Variants in BRD9 observed in about 807,000 individuals in gnomAD.
The protein encoded by BRD9 is bromodomain-containing protein 9.
In BRD9, 47 loss-of-function variants were observed where a neutral mutation model predicts 68.7. That is an observed-to-expected ratio of 0.68 (90% CI 0.54 to 0.87). The LOEUF (loss-of-function observed/expected upper bound fraction) is 0.87, where lower values mean the gene tolerates loss of function less well. BRD9 is among the 40% of genes least tolerant of loss of function. BRD9 has a pLI of 0.00. For synonymous variants in BRD9, 313 were observed against 293.9 expected (o/e 1.06, Z -0.67); for missense variants, 670 against 748.4 (o/e 0.90, Z 1.22).
intron 11 of BRD9, among the ~76,000 whole-genome samples, chr5:876,717 C>A (rs185949648): frequency 4.7e-4 from 71 of 152,266 alleles, no homozygotes; most frequent in African/African-American, 1.5e-3. Context: ...AGGCCAGGAA[C>A]AAAAATGCAT....
rs1322515953 is a variant in BRD9, at chr5:892,511, C to T, written c.52+95G>A. 3.4e-6 allele frequency: 5 copies of T among 1,487,708 alleles called. No individual in the cohort carries two copies. The African/African-American group carries it at 5.7e-5, about 17-fold the overall frequency. 92.2% of individuals were successfully genotyped at this position (1,487,708 alleles called of 1,614,324 possible). Reference sequence around the variant, plus strand: ...AACCCCTCCCTCGTGGCCAGGACCTCGCCCGGTGCCCAGGACCCCCGTCCG... The same window carrying T: ...AACCCCTCCCTCGTGGCCAGGACCTTGCCCGGTGCCCAGGACCCCCGTCCG... On this transcript the variant is annotated intron_variant, in intron 1 of 15. Transcript: ENST00000467963.
intron 7 of BRD9, among the ~76,000 whole-genome samples, chr5:884,815 T>C (rs1429172788): frequency 2.6e-5 from 4 of 152,350 alleles, no homozygotes; most frequent in South Asian, 2.1e-4. Context: ...CACAGCCCCA[T>C]GAGCTCCGCA....
chr5:884,752 G>T (rs533508993), intron 7 of BRD9, among the ~76,000 whole-genome samples: 2 of 152,252 alleles, frequency 1.3e-5, no homozygotes, highest in Non-Finnish European at 2.9e-5. Flanking sequence ...CCATGAGAGC[G>T]GCCCTGCCCT....
intron 7 of BRD9, among the ~76,000 whole-genome samples, chr5:884,994 C>G (rs1300698921): frequency 6.6e-6 from 1 of 152,236 alleles, no homozygotes; most frequent in East Asian, 1.9e-4. Context: ...AGCTGCAGCA[C>G]CAGAGACACC....
chr5:867,930 A>T (rs765672241), intron 14 of BRD9, among the ~76,000 whole-genome samples: 16 of 152,196 alleles, frequency 1.1e-4, no homozygotes, highest in Non-Finnish European at 2.1e-4. Flanking sequence ...AGGACAAAAG[A>T]TTCGAGAGGA....
intron 12 of BRD9, among the ~76,000 whole-genome samples, chr5:874,409 T>G (rs1012140325): frequency 6.6e-6 from 1 of 152,282 alleles, no homozygotes; most frequent in South Asian, 2.1e-4. Flanking sequence ...TTGCATTAGT[T>G]TTTTAAGATC....
chr5:887,251 G>A, intron 6 of BRD9, 110 bp downstream of exon 6: 1 of 896,946 alleles, frequency 1.1e-6, no homozygotes. Flanking sequence ...ACACCATGAG[G>A]GTGGCGGGTG....
intron 14 of BRD9, among the ~76,000 whole-genome samples, chr5:867,760 G>A (rs1157519874): frequency 3.3e-5 from 5 of 152,334 alleles, no homozygotes; most frequent in Middle Eastern, 6.8e-3. Context: ...TTGTATCTTG[G>A]AATTAACTAA....
chr5:864,496 G>C lies in BRD9; in HGVS notation c.1766C>G (p.Pro589Arg). ...GGTCTTGGCAGAGGCCGCAGGCTCT[G>C]GAGACTGAAGAAACTCATAGGGGTC... ...THDPYEFLQS[P>R]EPAASAKT The change falls in exon 16 of 16, where the codon CCA becomes CGA. Residue 589 changes from proline (P) to arginine (R), a missense_variant. By Grantham distance (103) the Pro-to-Arg change is moderately radical (BLOSUM62 -2). Transcript: ENST00000467963. The C allele has an allele frequency of 3.7e-6, 6 of 1,613,856 alleles. No homozygotes were observed. The highest frequency in any genetic ancestry group is 5.1e-6 in the Non-Finnish European group (6 of 1,179,802).
rs1272804365 is a variant in BRD9, at chr5:892,675, G to A, written c.-18C>T. On this transcript the variant is annotated 5_prime_UTR_variant, in exon 1 of 16. Coordinates refer to ENST00000467963, the MANE Select transcript of BRD9 (RefSeq NM_023924.5). ...TTGCCCATGGCGGCGCCGGCGGCGG[G>A]CCCGAGGCGGGGGCTGGGAACAGCT... 6 of 1,402,094 alleles carry A rather than the reference G, an allele frequency of 4.3e-6. No individual in the cohort carries two copies. Among genetic ancestry groups the A allele is most frequent in the Non-Finnish European group, 5.6e-6 (6 of 1,076,868 alleles). 86.9% of individuals were successfully genotyped at this position (1,402,094 alleles called of 1,614,324 possible). A position where few individuals can be genotyped will look rare whatever the true frequency, so the allele number is the denominator to read the frequency against.
chr5:876,643 T>C (rs979600593), intron 11 of BRD9, among the ~76,000 whole-genome samples: 2 of 152,132 alleles, frequency 1.3e-5, no homozygotes, highest in African/African-American at 4.8e-5. Context: ...TTTAGTACCA[T>C]CCTGATTCTT....
chr5:865,826 C>A (rs1749304967), intron 14 of BRD9: 1 of 491,886 alleles, frequency 2.0e-6, no homozygotes, highest in South Asian at 3.1e-5. Context: ...CAGACAAGAC[C>A]TAGCACCGCA....
intron 15 of BRD9, 128 bp downstream of exon 15, chr5:865,283 TCCA>T (rs1749208345): frequency 1.6e-6 from 2 of 1,279,410 alleles, no homozygotes; most frequent in East Asian, 5.0e-5. Flanking sequence ...GAAACCGACC[TCCA>T]CAACAGCACC....
chr5:864,486 C>G lies in BRD9; in HGVS notation c.1776G>C (p.Ala592=), dbSNP rs772275207. The G allele has an allele frequency of 6.2e-7, 1 of 1,613,004 alleles. No individual in the cohort carries two copies. Among genetic ancestry groups the G allele is most frequent in the Non-Finnish European group, 8.5e-7 (1 of 1,179,290 alleles). Residue 592 remains alanine, a synonymous_variant, in exon 16 of 16, where the codon GCG becomes GCC. Coordinates refer to ENST00000467963, the MANE Select transcript of BRD9 (RefSeq NM_023924.5). Reference sequence around the variant, plus strand: ...TCTAGAGTTAGGTCTTGGCAGAGGCCGCAGGCTCTGGAGACTGAAGAAACT... The same window carrying G: ...TCTAGAGTTAGGTCTTGGCAGAGGCGGCAGGCTCTGGAGACTGAAGAAACT... ...PYEFLQSPEP[A]ASAKT
At chr5:892,468 C>T (rs1345930231) in intron 1 of BRD9, 138 bp downstream of exon 1, 4 of 1,429,638 alleles carry the variant, frequency 2.8e-6, no homozygotes, top group Non-Finnish European at 3.6e-6. Context: ...ATCCCAGGAC[C>T]CCCTCCCGCG....
Position 888,875 on chromosome 5 carries a change from A to T in BRD9, c.606+146T>A, listed in dbSNP as rs139936197. 568 of 826,766 alleles carry T rather than the reference A, an allele frequency of 6.9e-4. 3 individuals are homozygous for T. In the African/African-American group the frequency reaches 8.9e-3, roughly 13 times the overall value. 51.2% of individuals were successfully genotyped at this position (826,766 alleles called of 1,614,324 possible). ...ACGTTCACGACCAATCATTTCCTTA[A>T]TGCTGTGTCTGTAAAACATCATCCG... On this transcript the variant is annotated intron_variant, in intron 5 of 15. Coordinates refer to ENST00000467963, the MANE Select transcript of BRD9 (RefSeq NM_023924.5).
chr5:877,966 C>T (rs971802200), intron 11 of BRD9, among the ~76,000 whole-genome samples: 2 of 152,184 alleles, frequency 1.3e-5, no homozygotes, highest in Admixed American at 6.5e-5. Context: ...AGAGAGGGCT[C>T]GGGAGGAACC....
intron 4 of BRD9, among the ~76,000 whole-genome samples, 188 bp from the exon 5 acceptor site, chr5:889,353 G>A (rs374902288): frequency 5.9e-5 from 9 of 152,040 alleles, no homozygotes; most frequent in South Asian, 4.2e-4. Flanking sequence ...GCATCCTGGC[G>A]GCCATCAATG....
intron 12 of BRD9, among the ~76,000 whole-genome samples, chr5:875,098 T>C (rs1279116299): frequency 6.6e-6 from 1 of 152,190 alleles, no homozygotes; most frequent in Non-Finnish European, 1.5e-5. Context: ...TAAAGAAAGA[T>C]AAAAGTTCAA....
Sources: gnomAD v4.1 joint callset for allele counts (sites outside exome capture counted in the v4.1 genomes callset) on GRCh38, gnomAD v4.1.1 for gene constraint, MANE v1.5 for transcripts, NCBI Gene and HGNC (gene_info 2026-07-23, HGNC 2026-07-21) for gene names.